HMCN1: variants seen among roughly 807,000 people sequenced by gnomAD.
The protein encoded by HMCN1 is hemicentin-1.
HMCN1 carries 321 observed loss-of-function variants against 625.9 expected under a neutral mutation model. That is an observed-to-expected ratio of 0.51 (90% confidence interval 0.47 to 0.56). The LOEUF is 0.56. HMCN1 is among the 20% of genes least tolerant of loss of function. The pLI is 0.00. For missense variants in HMCN1, 6,588 were observed against 6,887.3 expected (o/e 0.96, Z 1.54); for synonymous variants, 2,425 against 2,417.6 (o/e 1.00, Z -0.09).
intron 1 of HMCN1, among the ~76,000 whole-genome samples, chr1:185,813,402 G>A (rs1659650816): frequency 6.6e-6 from 1 of 152,092 alleles, no homozygotes; most frequent in Admixed American, 6.6e-5. Flanking sequence ...CGATGTCAGT[G>A]TAATTTCTAT....
At position 185,966,066 on chromosome 1, in the gene HMCN1, C is replaced by G. The variant is rs1159897649; in HGVS notation, c.2212+151C>G. Reference sequence around the variant, plus strand: ...ACTGGAGACAATAGTTCAAAATTCTCAACTCTGAATTTCAGGATTTGACAT... The same window carrying G: ...ACTGGAGACAATAGTTCAAAATTCTGAACTCTGAATTTCAGGATTTGACAT... On this transcript the variant is annotated intron_variant, in intron 14 of 106. Transcript: ENST00000271588. 5 of 666,990 alleles carry G rather than the reference C, an allele frequency of 7.5e-6. No individual in the cohort carries two copies. The Admixed American group carries it at 1.1e-4, about 15-fold the overall frequency. 41.3% of individuals were successfully genotyped at this position (666,990 alleles called of 1,614,324 possible).
Position 186,187,928 on chromosome 1 carries a change from G to T in HMCN1, c.16460G>T (p.Arg5487Leu), listed in dbSNP as rs184128357. The T allele has an allele frequency of 2.5e-6, 4 of 1,613,562 alleles. No individual in the cohort carries two copies. The highest frequency in any genetic ancestry group is 2.7e-5 in the African/African-American group (2 of 74,858). The change falls in exon 106 of 107, where the codon CGC (arginine) becomes CTC (leucine). Residue 5487 changes from arginine to leucine, a missense_variant. Physicochemically the swap from Arg to Leu is moderately radical, Grantham distance 102 (BLOSUM62 -2). Transcript: ENST00000271588. ...CAGAATGTGCACTGTGGACCCAATC[G>T]CATGTGCTTCAACATGAGAGGAAGC... ...LEQNVHCGPN[R>L]MCFNMRGSYQ...
At chr1:185,766,303 AGAG>A (rs1475481223) in intron 1 of HMCN1, among the ~76,000 whole-genome samples, 2 of 152,160 alleles carry the variant, frequency 1.3e-5, no homozygotes, top group Non-Finnish European at 1.5e-5. Flanking sequence ...ATGAGAACTC[AGAG>A]ACTGGGGGAA....
At chr1:186,179,228 T>A (rs1254588125) in intron 104 of HMCN1, among the ~76,000 whole-genome samples, 1 of 152,214 alleles carries the variant, frequency 6.6e-6, no homozygotes, top group Non-Finnish European at 1.5e-5. Flanking sequence ...CCATTGACTG[T>A]TGCTCCACAG....
chr1:185,888,851 C>T, intron 4 of HMCN1, among the ~76,000 whole-genome samples: 1 of 147,070 alleles, frequency 6.8e-6, no homozygotes, highest in African/African-American at 2.7e-5. Context: ...TGAAGAAAGG[C>T]ATTGGTAGCT....
intron 1 of HMCN1, among the ~76,000 whole-genome samples, chr1:185,781,269 A>G (rs558881408): frequency 6.6e-6 from 1 of 151,938 alleles, no homozygotes; most frequent in African/African-American, 2.4e-5. Context: ...CTAGCAGTCT[A>G]TCAGTTTTGT....
chr1:186,104,770 G>T (rs774440514), intron 69 of HMCN1, among the ~76,000 whole-genome samples: 3 of 152,186 alleles, frequency 2.0e-5, no homozygotes, highest in Non-Finnish European at 4.4e-5. Context: ...TAGCATCTTC[G>T]AGTGCATACC....
chr1:185,936,913 T>C (rs1422105747), intron 11 of HMCN1, among the ~76,000 whole-genome samples: 1 of 152,180 alleles, frequency 6.6e-6, no homozygotes, highest in East Asian at 1.9e-4. Flanking sequence ...AGAGTGAGAA[T>C]GAAGTCAAGT....
At chr1:185,832,889 C>G (rs779772603) in intron 1 of HMCN1, among the ~76,000 whole-genome samples, 17 of 152,142 alleles carry the variant, frequency 1.1e-4, no homozygotes, top group Non-Finnish European at 1.8e-4. Flanking sequence ...TTATAAAGAG[C>G]TTCTACAAAT....
At chr1:185,960,201 T>C (rs1220577665) in intron 11 of HMCN1, among the ~76,000 whole-genome samples, 1 of 149,844 alleles carries the variant, frequency 6.7e-6, no homozygotes, top group Non-Finnish European at 1.5e-5. Flanking sequence ...TGATCTTGGC[T>C]CACTGCAACC....
At chr1:186,035,563 A>G (rs1655764967) in intron 36 of HMCN1, among the ~76,000 whole-genome samples, 1 of 151,416 alleles carries the variant, frequency 6.6e-6, no homozygotes, top group African/African-American at 2.4e-5. Context: ...ATGGATTTCG[A>G]TTTTCTTTAA....
At chr1:185,862,334 G>A (rs1662925878) in intron 2 of HMCN1, among the ~76,000 whole-genome samples, 1 of 152,056 alleles carries the variant, frequency 6.6e-6, no homozygotes, top group South Asian at 2.1e-4. Flanking sequence ...AATAAAATTA[G>A]TGATAAGAAA....
chr1:186,100,588 G>A (rs962129377), intron 68 of HMCN1, among the ~76,000 whole-genome samples: 4 of 152,018 alleles, frequency 2.6e-5, no homozygotes, highest in African/African-American at 4.8e-5. Context: ...TTCTAAAAAC[G>A]GAATAACAAA....
intron 33 of HMCN1, 141 bp from the exon 34 acceptor site, chr1:186,018,042 C>A: frequency 2.5e-6 from 2 of 791,156 alleles, no homozygotes; most frequent in Non-Finnish European, 4.1e-6. Flanking sequence ...TTCCTTTTTG[C>A]TTCTCTTTTT....
At chr1:186,006,463 T>A (rs1327552928) in intron 29 of HMCN1, among the ~76,000 whole-genome samples, 2 of 152,130 alleles carry the variant, frequency 1.3e-5, no homozygotes, top group Non-Finnish European at 2.9e-5. Context: ...CTGCTGCCAA[T>A]TACATAAACT....
At chr1:186,115,140 T>C (rs1452256427) in intron 74 of HMCN1, 118 bp from the exon 75 acceptor site, 18 of 1,426,480 alleles carry the variant, frequency 1.3e-5, no homozygotes, top group Non-Finnish European at 1.7e-5. Flanking sequence ...TGCAGAGTCT[T>C]GTTTGCTCAT....
chr1:185,875,948 G>A (rs548127320), intron 4 of HMCN1, among the ~76,000 whole-genome samples: 9 of 152,014 alleles, frequency 5.9e-5, no homozygotes, highest in African/African-American at 1.7e-4. Flanking sequence ...ATGGGGGCAC[G>A]TGTACAGGTT....
At chr1:186,114,290 TC>T (rs113685057) in intron 73 of HMCN1, among the ~76,000 whole-genome samples, 167 bp downstream of exon 73, 1,923 of 152,274 alleles carry the variant, frequency 0.013, 45 homozygotes, top group African/African-American at 0.038. Context: ...AGAGTCTTGC[TC>T]TGTTGCCCAG....
chr1:185,975,183 T>C (rs894549537), intron 15 of HMCN1, among the ~76,000 whole-genome samples: 4 of 152,174 alleles, frequency 2.6e-5, no homozygotes, highest in Non-Finnish European at 5.9e-5. Context: ...ATGATTTCCG[T>C]TTATCCAGAG....
Sources: allele counts gnomAD v4.1 joint callset (sites outside exome capture counted in the v4.1 genomes callset), GRCh38; gene constraint gnomAD v4.1.1; transcripts MANE v1.5; gene names NCBI Gene and HGNC (gene_info 2026-07-23, HGNC 2026-07-21).